OSBPL8: variants seen among roughly 807,000 people sequenced by gnomAD.
The protein encoded by OSBPL8 is oxysterol-binding protein-related protein 8.
Under a neutral mutation model 125.5 loss-of-function variants are expected in OSBPL8, and 59 were observed. That is an observed-to-expected ratio of 0.47 (90% confidence interval 0.38 to 0.58). The LOEUF (loss-of-function observed/expected upper bound fraction) is 0.58. OSBPL8 is among the 20% of genes least tolerant of loss of function. The pLI is 0.00. For synonymous variants in OSBPL8, 330 were observed against 338.9 expected (o/e 0.97, Z 0.29); for missense variants, 758 against 1,047.8 (o/e 0.72, Z 3.82).
chr12:76,438,402 C>G (rs1362626429), intron 4 of OSBPL8, among the ~76,000 whole-genome samples: 1 of 151,606 alleles, frequency 6.6e-6, no homozygotes, highest in Non-Finnish European at 1.5e-5. Context: ...TTCCTGTACT[C>G]AAGCAATTCT....
intron 9 of OSBPL8, 131 bp downstream of exon 9, chr12:76,394,514 A>T (rs1025336902): frequency 1.5e-6 from 1 of 670,342 alleles, no homozygotes; most frequent in Non-Finnish European, 2.5e-6. Context: ...CATTCAAAAC[A>T]ATTTATGATT....
chr12:76,359,792 G>C (rs1952127921), intron 21 of OSBPL8, among the ~76,000 whole-genome samples: 1 of 152,118 alleles, frequency 6.6e-6, no homozygotes. Flanking sequence ...ACTACCACGA[G>C]AACAATATGG....
intron 1 of OSBPL8, among the ~76,000 whole-genome samples, chr12:76,509,514 G>T (rs895450355): frequency 4.6e-5 from 7 of 152,170 alleles, no homozygotes; most frequent in Admixed American, 2.6e-4. Flanking sequence ...CTTGATTAAA[G>T]CAGTCTATTC....
intron 1 of OSBPL8, among the ~76,000 whole-genome samples, chr12:76,510,547 G>C (rs182101343): frequency 6.6e-6 from 1 of 151,962 alleles, no homozygotes; most frequent in Non-Finnish European, 1.5e-5. Context: ...CTTCACTGTC[G>C]GTTATATGTC....
At chr12:76,501,806 C>A (rs1034647458) in intron 1 of OSBPL8, among the ~76,000 whole-genome samples, 4 of 152,246 alleles carry the variant, frequency 2.6e-5, no homozygotes, top group Admixed American at 6.5e-5. Context: ...TGCCCAGTGG[C>A]AGGTAGATTA....
At chr12:76,458,578 C>G (rs1187214896) in intron 3 of OSBPL8, among the ~76,000 whole-genome samples, 3 of 151,606 alleles carry the variant, frequency 2.0e-5, no homozygotes, top group Admixed American at 6.6e-5. Flanking sequence ...GGAGTCCTAG[C>G]TACTCAGGTG....
At chr12:76,499,274 T>C (rs947274894) in intron 1 of OSBPL8, among the ~76,000 whole-genome samples, 1 of 151,626 alleles carries the variant, frequency 6.6e-6, no homozygotes, top group African/African-American at 2.4e-5. Flanking sequence ...TTGTGGGACC[T>C]TGTGATCATG....
intron 1 of OSBPL8, among the ~76,000 whole-genome samples, chr12:76,518,290 C>A (rs1441157057): frequency 1.3e-5 from 2 of 152,172 alleles, no homozygotes; most frequent in African/African-American, 4.8e-5. Context: ...CTTAAAACTC[C>A]AACATAATCC....
chr12:76,454,853 T>TA (rs202165441), intron 3 of OSBPL8, among the ~76,000 whole-genome samples: 3,600 of 144,440 alleles, frequency 0.025, 48 homozygotes, highest in Admixed American at 0.04. Flanking sequence ...TAAAAAACAA[T>TA]AAAAAAAAGA....
rs1040743401 is a variant in OSBPL8 at position 76,487,518 on chromosome 12, G to A, written c.34C>T (p.Arg12Ter). ...EGGLADGEPD[R>*]TSLLGDSKDV... is the part of the protein sequence containing the mutation. The stretch of plus-strand genomic sequence containing the variant: ...ATATATGAACTACTCACCGAAGTTC[G>A]ATCAGGTTCTCCATCTGCCAAACCT... The change falls in exon 2 of 24, where the codon CGA becomes TGA. Residue 12 changes from arginine to a stop codon, truncating the protein, a stop_gained. Transcript: ENST00000261183. LOFTEE classifies it high-confidence loss of function. 2.5e-6 allele frequency: 4 copies of A among 1,604,292 alleles called. No homozygotes were observed. The highest frequency in any genetic ancestry group is 3.4e-6 in the Non-Finnish European group (4 of 1,176,014).
Position 76,497,917 on chromosome 12 carries a change from T to C in OSBPL8, c.-67-10299A>G, listed in dbSNP as rs561824920. 6.6e-5 allele frequency among the ~76,000 whole-genome samples: 10 copies of C among 152,342 alleles called. No individual in the cohort carries two copies. In the South Asian group the frequency reaches 1.2e-3, roughly 19 times the overall value. ...ATTAACTAAGGAACACATGAATTTA[T>C]ATAGATTGTTTTTGTTGAACACTTT... On this transcript the variant is annotated intron_variant, in intron 1 of 23. Transcript: ENST00000261183.
rs994953073 is a variant in OSBPL8 at position 76,554,814 on chromosome 12, T to A, written c.-68+4583A>T. Among the ~76,000 whole-genome samples, 5 of 152,320 alleles carry A rather than the reference T, an allele frequency of 3.3e-5. No individual in the cohort carries two copies. The East Asian group carries it at 9.6e-4, about 29-fold the overall frequency. On this transcript the variant is annotated intron_variant, in intron 1 of 23. Transcript: ENST00000261183. ...AGTCCTTTTTGAATATGGAAATTAGTAGGTAACTGGCTTATCATTTGATGA... is the reference window on the plus strand; with the variant it reads ...AGTCCTTTTTGAATATGGAAATTAGAAGGTAACTGGCTTATCATTTGATGA...
intron 2 of OSBPL8, among the ~76,000 whole-genome samples, chr12:76,472,389 G>A (rs1414140547): frequency 6.6e-6 from 1 of 152,198 alleles, no homozygotes; most frequent in African/African-American, 2.4e-5. Context: ...GCCCCACAGG[G>A]TCGGTGGGTT....
At chr12:76,408,803 T>G (rs1954386338) in intron 5 of OSBPL8, among the ~76,000 whole-genome samples, 1 of 152,058 alleles carries the variant, frequency 6.6e-6, no homozygotes, top group Non-Finnish European at 1.5e-5. Context: ...CGCCCCCCAT[T>G]AAGGCACACA....
chr12:76,386,780 G>C (rs957084224), intron 12 of OSBPL8, 120 bp from the exon 13 acceptor site: 22 of 632,926 alleles, frequency 3.5e-5, no homozygotes, highest in Non-Finnish European at 5.1e-5. Flanking sequence ...ATTTTAAATG[G>C]ATGACAAAAC....
chr12:76,453,972 C>A (rs968039035), intron 3 of OSBPL8, among the ~76,000 whole-genome samples: 5 of 151,932 alleles, frequency 3.3e-5, no homozygotes, highest in Admixed American at 6.6e-5. Context: ...AGTAATGAGG[C>A]AAATACAAAT....
chr12:76,427,406 T>C (rs1870277274), intron 4 of OSBPL8, among the ~76,000 whole-genome samples: 1 of 151,958 alleles, frequency 6.6e-6, no homozygotes, highest in Non-Finnish European at 1.5e-5. Context: ...TGTAAAGTAG[T>C]AATAAAATAA....
At chr12:76,520,340 T>A (rs1449400780) in intron 1 of OSBPL8, among the ~76,000 whole-genome samples, 1 of 152,208 alleles carries the variant, frequency 6.6e-6, no homozygotes, top group Non-Finnish European at 1.5e-5. Context: ...CTGGTCACAC[T>A]GTATTTCTAA....
chr12:76,362,660 T>C (rs1019556507), intron 21 of OSBPL8, among the ~76,000 whole-genome samples: 5 of 152,154 alleles, frequency 3.3e-5, no homozygotes, highest in South Asian at 4.2e-4. Flanking sequence ...CTATTCAACA[T>C]AGTACTGGAA....
Sources: gnomAD v4.1 joint callset for allele counts (sites outside exome capture counted in the v4.1 genomes callset) on GRCh38, gnomAD v4.1.1 for gene constraint, MANE v1.5 for transcripts, NCBI Gene and HGNC (gene_info 2026-07-23, HGNC 2026-07-21) for gene names.